Variants in RNGTT observed in about 807,000 individuals in gnomAD.
RNGTT encodes RNA guanylyltransferase and 5'-phosphatase, also known as mRNA-capping enzyme.
RNGTT carries 33 observed loss-of-function variants against 79.3 expected under a neutral mutation model. The observed-to-expected ratio is 0.42, with a 90% CI of 0.32 to 0.56. The LOEUF is 0.56. Ranked by LOEUF, RNGTT falls within the 20% of genes least tolerant of loss-of-function variation. The pLI, the probability that RNGTT is intolerant of heterozygous loss-of-function variation, is 0.17. For synonymous variants in RNGTT, 222 were observed against 235.9 expected (o/e 0.94, Z 0.54); for missense variants, 497 against 739.1 (o/e 0.67, Z 3.80).
chr6:88,755,524 A>G (rs1426085869), intron 13 of RNGTT, among the ~76,000 whole-genome samples: 1 of 152,128 alleles, frequency 6.6e-6, no homozygotes. Flanking sequence ...TGGGTTGGGG[A>G]AAATGTTCCA....
intron 11 of RNGTT, among the ~76,000 whole-genome samples, chr6:88,824,202 G>A (rs948062478): frequency 1.3e-5 from 2 of 152,016 alleles, no homozygotes; most frequent in South Asian, 2.1e-4. Flanking sequence ...AAACATCACC[G>A]ACTGCTCTTA....
chr6:88,859,154 G>A (rs1781928314), intron 8 of RNGTT, among the ~76,000 whole-genome samples: 1 of 151,810 alleles, frequency 6.6e-6, no homozygotes, highest in African/African-American at 2.4e-5. Context: ...ACCGTACTCA[G>A]TCTGAAAATC....
At chr6:88,840,324 G>A (rs1243542586) in intron 11 of RNGTT, among the ~76,000 whole-genome samples, 1 of 151,914 alleles carries the variant, frequency 6.6e-6, no homozygotes, top group East Asian at 1.9e-4. Flanking sequence ...GAGACATTAA[G>A]GACAAAAAAC....
Position 88,791,142 on chromosome 6 carries a change from T to C in RNGTT, c.1338+10422A>G, listed in dbSNP as rs1227839090. On this transcript the variant is annotated intron_variant, in intron 12 of 15. Transcript: ENST00000369485. Reference sequence around the variant, plus strand: ...ACCCTAAATGCAATCACAAGTACCTTTTTTTTTTTTTTTTTTCAATTTTTT... The same window carrying C: ...ACCCTAAATGCAATCACAAGTACCTCTTTTTTTTTTTTTTTTCAATTTTTT... Among the ~76,000 whole-genome samples the C allele has an allele frequency of 1.2e-3, 5 of 4,094 alleles. No homozygotes were observed. In the Non-Finnish European group the frequency reaches 0.018, roughly 15 times the overall value. The allele number at this position is 4,094 out of a possible 152,430, so 2.7% of individuals were successfully genotyped here. A position where few individuals can be genotyped will look rare whatever the true frequency, so the allele number is the denominator to read the frequency against.
chr6:88,959,036 G>A (rs955378551), intron 1 of RNGTT, among the ~76,000 whole-genome samples: 3 of 152,168 alleles, frequency 2.0e-5, no homozygotes, highest in Non-Finnish European at 4.4e-5. Context: ...CCATAAAAAG[G>A]AATGAAATAA....
intron 1 of RNGTT, among the ~76,000 whole-genome samples, chr6:88,962,529 T>C (rs1230460759): frequency 1.3e-5 from 2 of 151,966 alleles, no homozygotes; most frequent in Non-Finnish European, 2.9e-5. Context: ...TCCCAGCACT[T>C]TGGGAGGCCG....
At chr6:88,791,557 T>G (rs1312926306) in intron 12 of RNGTT, among the ~76,000 whole-genome samples, 1 of 152,148 alleles carries the variant, frequency 6.6e-6, no homozygotes, top group Non-Finnish European at 1.5e-5. Flanking sequence ...TATTTTTTTT[T>G]GAGACAGAGT....
chr6:88,953,966 A>G (rs1470343367), intron 1 of RNGTT, among the ~76,000 whole-genome samples: 3 of 152,250 alleles, frequency 2.0e-5, no homozygotes, highest in African/African-American at 7.2e-5. Flanking sequence ...ACTACAAGAA[A>G]TGCTAAAAGG....
At chr6:88,656,827 T>C (rs1237701271) in intron 14 of RNGTT, among the ~76,000 whole-genome samples, 2 of 150,310 alleles carry the variant, frequency 1.3e-5, no homozygotes, top group East Asian at 2.0e-4. Context: ...CAGTGGCTCA[T>C]ATCTGTAATC....
intron 13 of RNGTT, among the ~76,000 whole-genome samples, chr6:88,760,354 C>T (rs774358252): frequency 1.3e-5 from 2 of 152,166 alleles, no homozygotes; most frequent in African/African-American, 2.4e-5. Flanking sequence ...AGAGTTCAGT[C>T]ACAGCTCCTC....
intron 13 of RNGTT, among the ~76,000 whole-genome samples, chr6:88,704,476 C>A (rs533216554): frequency 6.6e-6 from 1 of 152,002 alleles, no homozygotes; most frequent in Non-Finnish European, 1.5e-5. Context: ...AGGAGTGAAT[C>A]ATTTCACTCT....
chr6:88,949,615 G>C (rs530693811), intron 1 of RNGTT, among the ~76,000 whole-genome samples: 8 of 152,108 alleles, frequency 5.3e-5, no homozygotes, highest in Non-Finnish European at 7.4e-5. Context: ...GGTCTGAATA[G>C]ATCAAACCAG....
At chr6:88,944,824 C>T (rs888307204) in intron 1 of RNGTT, among the ~76,000 whole-genome samples, 1 of 152,150 alleles carries the variant, frequency 6.6e-6, no homozygotes, top group African/African-American at 2.4e-5. Flanking sequence ...TCAAGATAGC[C>T]CACAGTCAAA....
At chr6:88,741,746 CA>C (rs1777498531) in intron 13 of RNGTT, among the ~76,000 whole-genome samples, 1 of 151,624 alleles carries the variant, frequency 6.6e-6, no homozygotes, top group East Asian at 1.9e-4. Flanking sequence ...TAATTAGATA[CA>C]AAAAATTATT....
intron 13 of RNGTT, among the ~76,000 whole-genome samples, chr6:88,709,745 ACAGTCTAGT>A (rs1361562237): frequency 1.3e-5 from 2 of 152,232 alleles, no homozygotes; most frequent in Non-Finnish European, 2.9e-5. Context: ...ACATCTCACT[ACAGTCTAGT>A]CACATTTCAA....
chr6:88,681,746 T>C (rs1158042878), intron 13 of RNGTT, among the ~76,000 whole-genome samples: 1 of 152,182 alleles, frequency 6.6e-6, no homozygotes, highest in East Asian at 1.9e-4. Context: ...ATAGAAACCC[T>C]GACTCACTTG....
intron 13 of RNGTT, among the ~76,000 whole-genome samples, chr6:88,721,492 C>T (rs1333863229): frequency 6.6e-6 from 1 of 151,870 alleles, no homozygotes; most frequent in African/African-American, 2.4e-5. Context: ...CTCATCATCC[C>T]TTCTCTGTCC....
chr6:88,791,328 G>A (rs1779401790), intron 12 of RNGTT, among the ~76,000 whole-genome samples: 1 of 151,416 alleles, frequency 6.6e-6, no homozygotes, highest in Admixed American at 6.6e-5. Context: ...TTATAGAGAT[G>A]GGGTCTCACT....
At chr6:88,931,553 A>C (rs1055165831) in intron 2 of RNGTT, among the ~76,000 whole-genome samples, 4 of 152,210 alleles carry the variant, frequency 2.6e-5, no homozygotes, top group Non-Finnish European at 5.9e-5. Flanking sequence ...TATGATTTTT[A>C]GGTACCATGT....
Sources: allele counts gnomAD v4.1 joint callset (sites outside exome capture counted in the v4.1 genomes callset), GRCh38; gene constraint gnomAD v4.1.1; transcripts MANE v1.5; gene names NCBI Gene and HGNC (gene_info 2026-07-23, HGNC 2026-07-21).